Variants in IRS1 observed in about 807,000 individuals in gnomAD.
The protein encoded by IRS1 is insulin receptor substrate 1.
In IRS1, 34 loss-of-function variants were observed where a neutral mutation model predicts 65.6. The ratio of observed to expected loss-of-function variants is 0.52; its 90% CI spans 0.39 to 0.69. The LOEUF (loss-of-function observed/expected upper bound fraction) is 0.69, where lower values mean the gene tolerates loss of function less well. Among genes scored for constraint, IRS1 ranks in the 30% least tolerant of loss-of-function variants. IRS1 has a pLI of 0.00. For synonymous variants in IRS1, 699 were observed against 683.5 expected, an observed-to-expected ratio of 1.02 and a Z score of -0.35; for missense variants, 1,641 against 1,720.2, an observed-to-expected ratio of 0.95 and a Z score of 0.81.
chr2:226,785,574 GC>G (rs1574658918), intron 1 of IRS1, among the ~76,000 whole-genome samples: 1 of 152,342 alleles, frequency 6.6e-6, no homozygotes, highest in East Asian at 1.9e-4. Flanking sequence ...CTGCACTCCA[GC>G]CTGGGTGACA....
Position 226,780,975 on chromosome 2 carries a change from G to A in IRS1, c.*21+14014C>T, listed in dbSNP as rs145633292. ...CAAGCGTTTTGTGAGCACCAACTTGGATAATGGAGTCATGAAATGAAGAGT... is the reference window on the plus strand; with the variant it reads ...CAAGCGTTTTGTGAGCACCAACTTGAATAATGGAGTCATGAAATGAAGAGT... On this transcript the variant is annotated intron_variant, in intron 1 of 1. Coordinates refer to ENST00000305123, the MANE Select transcript of IRS1 (RefSeq NM_005544.3). 3.9e-3 allele frequency among the ~76,000 whole-genome samples: 600 copies of A among 152,248 alleles called. 5 individuals are homozygous for A. The highest frequency in any genetic ancestry group is 4.5e-3 in the Admixed American group (69 of 15,292).
chr2:226,776,347 C>T (rs1355098843), intron 1 of IRS1, among the ~76,000 whole-genome samples: 3 of 142,680 alleles, frequency 2.1e-5, no homozygotes, highest in South Asian at 2.5e-4. Context: ...GCAGAAGAAT[C>T]GTGTGTGAGT....
At chr2:226,773,376 G>A (rs1369567724) in intron 1 of IRS1, among the ~76,000 whole-genome samples, 1 of 152,020 alleles carries the variant, frequency 6.6e-6, no homozygotes, top group Non-Finnish European at 1.5e-5. Flanking sequence ...CTGATTATAA[G>A]GGAAGGTGTT....
intron 1 of IRS1, among the ~76,000 whole-genome samples, chr2:226,750,452 T>C (rs1381470316): frequency 1.3e-4 from 19 of 151,798 alleles, no homozygotes; most frequent in African/African-American, 4.8e-5. Context: ...CCAAAGAAGA[T>C]TCTTAGCTGC....
intron 1 of IRS1, among the ~76,000 whole-genome samples, chr2:226,746,434 A>C (rs1033335835): frequency 3.3e-5 from 5 of 152,132 alleles, no homozygotes; most frequent in Non-Finnish European, 7.4e-5. Flanking sequence ...TTGCTGCCAG[A>C]TGCACATCTA....
At chr2:226,740,171 A>G (rs999051776) in intron 1 of IRS1, among the ~76,000 whole-genome samples, 3 of 152,202 alleles carry the variant, frequency 2.0e-5, no homozygotes, top group African/African-American at 7.2e-5. Flanking sequence ...TGGTTACATC[A>G]TTGGGGAATA....
chr2:226,798,874 C>G lies in IRS1; in HGVS notation c.-136G>C, dbSNP rs1012760421. ...GCAGAAACCCCGACTCTGAAATCCA[C>G]GCCGCCCCCCGCGCCGGGGAGGGGC... On this transcript the variant is annotated 5_prime_UTR_variant, in exon 1 of 2. Coordinates refer to ENST00000305123, the MANE Select transcript of IRS1 (RefSeq NM_005544.3). The surrounding 1 kb of genome is among the most constrained non-coding windows in gnomAD (Gnocchi z 9.4). The G allele has an allele frequency of 2.6e-6, 4 of 1,521,670 alleles. No homozygotes were observed. In the Admixed American group the frequency reaches 6.1e-5, roughly 23 times the overall value. The allele number at this position is 1,521,670 out of a possible 1,614,324, so 94.3% of individuals were successfully genotyped here.
chr2:226,782,527 C>T (rs1440109239), intron 1 of IRS1, among the ~76,000 whole-genome samples: 2 of 152,188 alleles, frequency 1.3e-5, no homozygotes, highest in African/African-American at 4.8e-5. Context: ...CTCCACCTCC[C>T]CAGACAAAAT....
intron 1 of IRS1, among the ~76,000 whole-genome samples, chr2:226,765,462 A>G (rs958162957): frequency 1.3e-4 from 20 of 152,180 alleles, no homozygotes; most frequent in African/African-American, 4.8e-4. Context: ...AAGGGCCAGG[A>G]AGACTTTTTA....
intron 1 of IRS1, among the ~76,000 whole-genome samples, chr2:226,760,437 A>T (rs1385752535): frequency 2.6e-5 from 4 of 152,332 alleles, no homozygotes; most frequent in South Asian, 2.1e-4. Context: ...ATACAAGAGG[A>T]TCTCACAGAT....
chr2:226,741,676 T>C (rs2106158342), intron 1 of IRS1, among the ~76,000 whole-genome samples: 1 of 152,158 alleles, frequency 6.6e-6, no homozygotes, highest in East Asian at 1.9e-4. Context: ...ATACACTTAA[T>C]TTACAGTACC....
intron 1 of IRS1, among the ~76,000 whole-genome samples, chr2:226,765,933 T>G (rs1323544372): frequency 1.3e-5 from 2 of 151,188 alleles, no homozygotes; most frequent in Non-Finnish European, 2.9e-5. Context: ...AAAGCATGTT[T>G]TAATTGAATC....
rs772637039 is a variant in IRS1 at position 226,798,471 on chromosome 2, C to T, written c.268G>A (p.Asp90Asn). Residue 90 changes from aspartate to asparagine, a missense_variant, in exon 1 of 2, where the codon GAC (aspartate) becomes AAC (asparagine). Asp to Asn is a conservative substitution (Grantham distance 23, BLOSUM62 1). Around this residue, in one of 3 missense-constraint regions of IRS1, gnomAD observed 240 missense variants for 229.6 expected, o/e 1.05. Transcript: ENST00000305123. The surrounding 1 kb of genome is among the most constrained non-coding windows in gnomAD (Gnocchi z 9.4). Reference sequence around the variant, plus strand: ...TCCGCCGCGATGGCAAAGTGCTCGTCCCGGGTGTAGAGAGCCACCAGGTGC... The same window carrying T: ...TCCGCCGCGATGGCAAAGTGCTCGTTCCGGGTGTAGAGAGCCACCAGGTGC... ...NKHLVALYTR[D>N]EHFAIAADSE... 6.2e-7 allele frequency: 1 copy of T among 1,614,158 alleles called. No homozygotes were observed. The highest frequency in any genetic ancestry group is 1.1e-5 in the South Asian group (1 of 91,084).
intron 1 of IRS1, among the ~76,000 whole-genome samples, chr2:226,741,823 AC>A (rs1341426709): frequency 2.7e-3 from 366 of 133,316 alleles, no homozygotes; most frequent in African/African-American, 9.4e-3. Context: ...ACACACACAC[AC>A]ACATAACACA....
Position 226,796,903 on chromosome 2 carries a change from G to A in IRS1, c.1836C>T (p.Tyr612=). The A allele has an allele frequency of 1.3e-6, 2 of 1,542,290 alleles. No individual in the cohort carries two copies. Among genetic ancestry groups the A allele is most frequent in the South Asian group, 1.3e-5 (1 of 78,816 alleles). ...DSSTLHTDDG[Y]MPMSPGVAPV... ...GGGCCACCCCTGGGGACATGGGCAT[G>A]TAGCCATCATCCGTGTGGAGGGTGG... Residue 612 remains tyrosine (Y), a synonymous_variant, in exon 1 of 2, where the codon TAC becomes TAT. Transcript: ENST00000305123.
rs567612446 is a variant in IRS1 at position 226,731,423 on chromosome 2, T to C, written c.*4849A>G. On this transcript the variant is annotated 3_prime_UTR_variant, in exon 2 of 2. Transcript: ENST00000305123. Reference sequence around the variant, plus strand: ...AATTCATTTAGACAGTTTTCTTTAATTGATGATGAAGACACTACAATTCTA... The same window carrying C: ...AATTCATTTAGACAGTTTTCTTTAACTGATGATGAAGACACTACAATTCTA... 94 of 152,180 alleles carry C rather than the reference T, an allele frequency of 6.2e-4. No individual in the cohort carries two copies. Among genetic ancestry groups the C allele is most frequent in the African/African-American group, 2.1e-3 (88 of 41,518 alleles). The allele number at this position is 152,180 out of a possible 1,614,324, so 9.4% of individuals were successfully genotyped here.
At chr2:226,744,709 G>A (rs542297458) in intron 1 of IRS1, among the ~76,000 whole-genome samples, 1 of 152,162 alleles carries the variant, frequency 6.6e-6, no homozygotes, top group Non-Finnish European at 1.5e-5. Flanking sequence ...AATGCCTGAT[G>A]AAACCATTCA....
chr2:226,744,613 G>A (rs1005119365), intron 1 of IRS1, among the ~76,000 whole-genome samples: 4 of 152,156 alleles, frequency 2.6e-5, no homozygotes, highest in South Asian at 2.1e-4. Context: ...GATCAGCAGC[G>A]GCATTAGATT....
intron 1 of IRS1, among the ~76,000 whole-genome samples, chr2:226,791,073 C>A (rs1939583971): frequency 6.6e-6 from 1 of 152,182 alleles, no homozygotes; most frequent in African/African-American, 2.4e-5. Flanking sequence ...TCCCTCACAG[C>A]CCAGGAGGAT....
Sources: allele counts gnomAD v4.1 joint callset (sites outside exome capture counted in the v4.1 genomes callset), GRCh38; gene constraint gnomAD v4.1.1; regional missense constraint gnomAD v4.1.1; non-coding constraint Gnocchi (gnomAD v3.1); transcripts MANE v1.5; gene names NCBI Gene and HGNC (gene_info 2026-07-23, HGNC 2026-07-21).